Variants in GRK5 observed in about 807,000 individuals in gnomAD.
GRK5 encodes the protein g protein-coupled receptor kinase GRK5.
In GRK5, 40 loss-of-function variants were observed where a neutral mutation model predicts 78.4. That is an observed-to-expected ratio of 0.51 (90% CI 0.40 to 0.66). GRK5 has a LOEUF of 0.66. Ranked by LOEUF, GRK5 falls within the 30% of genes least tolerant of loss-of-function variation. The pLI, the probability that GRK5 is intolerant of heterozygous loss-of-function variation, is 0.00. For missense variants in GRK5, 598 were observed against 759.9 expected (o/e 0.79, Z 2.50); for synonymous variants, 289 against 296.8 (o/e 0.97, Z 0.27).
Position 119,236,493 on chromosome 10 carries a change from C to T in GRK5, c.52+28524C>T, listed in dbSNP as rs148575553. ...CCTCCCAAAGTGCTGGGATTACAGG[C>T]GTGAGCCACTGCGCCTGGCCCCTAC... On this transcript the variant is annotated intron_variant, in intron 1 of 15. Coordinates refer to ENST00000392870, the MANE Select transcript of GRK5 (RefSeq NM_005308.3). 5.9e-3 allele frequency among the ~76,000 whole-genome samples: 895 copies of T among 152,172 alleles called. 6 individuals are homozygous for T. Among genetic ancestry groups the T allele is most frequent in the South Asian group, 0.012 (56 of 4,824 alleles).
chr10:119,283,732 C>T (rs1849801317), intron 1 of GRK5, among the ~76,000 whole-genome samples: 1 of 152,206 alleles, frequency 6.6e-6, no homozygotes, highest in South Asian at 2.1e-4. Flanking sequence ...CAGATGGGAC[C>T]ATGAGCCCCA....
Position 119,455,387 on chromosome 10 carries a change from T to G in GRK5, c.*320T>G. ...AGAACTGAATTTTGTCTTTATGATT[T>G]TTAAAGAAAAGTTTTGTAAATTTCT... is the stretch of plus-strand genomic sequence containing the variant. On this transcript the variant is annotated 3_prime_UTR_variant, in exon 16 of 16. Coordinates refer to ENST00000392870, the MANE Select transcript of GRK5 (RefSeq NM_005308.3). The G allele has an allele frequency of 2.0e-6, 1 of 511,806 alleles. No homozygotes were observed. Among genetic ancestry groups the G allele is most frequent in the Non-Finnish European group, 3.6e-6 (1 of 277,036 alleles). 31.7% of individuals were successfully genotyped at this position (511,806 alleles called of 1,614,324 possible).
intron 1 of GRK5, among the ~76,000 whole-genome samples, chr10:119,312,200 G>A (rs1292031871): frequency 1.3e-5 from 2 of 152,236 alleles, no homozygotes; most frequent in African/African-American, 2.4e-5. Flanking sequence ...ACAGGCGTGA[G>A]CCTCTGCAGC....
chr10:119,253,888 G>A lies in GRK5; in HGVS notation c.52+45919G>A, dbSNP rs184793611. Among the ~76,000 whole-genome samples the A allele has an allele frequency of 8.7e-4, 132 of 152,062 alleles. No homozygotes were observed. Among genetic ancestry groups the A allele is most frequent in the African/African-American group, 2.8e-3 (115 of 41,464 alleles). ...TGTGTGTGTGTACACATGTGTGTGC[G>A]TGCATGCTTTTTCATGAGGCACACT... On this transcript the variant is annotated intron_variant, in intron 1 of 15. Transcript: ENST00000392870. This position sits in a 1 kb window ranked among gnomAD's most constrained non-coding sequence, Gnocchi z 5.7.
At chr10:119,251,119 C>T (rs186201233) in intron 1 of GRK5, among the ~76,000 whole-genome samples, 3 of 151,346 alleles carry the variant, frequency 2.0e-5, no homozygotes, top group Admixed American at 6.6e-5. Flanking sequence ...TTTTTTCTCA[C>T]GTTGACATTA....
intron 1 of GRK5, among the ~76,000 whole-genome samples, chr10:119,262,532 T>TG (rs1849429717): frequency 6.6e-6 from 1 of 151,946 alleles, no homozygotes; most frequent in East Asian, 1.9e-4. Flanking sequence ...TTAGTAGAGA[T>TG]GGGGTTTCAC....
At chr10:119,399,807 C>T (rs774454319) in intron 4 of GRK5, among the ~76,000 whole-genome samples, 4 of 152,218 alleles carry the variant, frequency 2.6e-5, no homozygotes, top group Admixed American at 1.3e-4. Context: ...AAGAGCCTCA[C>T]GCCCACACCT....
chr10:119,344,891 TTCCTTCCTTCCTTCC>T (rs1851055438), intron 2 of GRK5, among the ~76,000 whole-genome samples: 1 of 127,988 alleles, frequency 7.8e-6, no homozygotes, highest in African/African-American at 3.0e-5. Context: ...CCTTCCTTCC[TTCCTTCCTTCCTTCC>T]TTCCTTCCTT....
At chr10:119,415,134 A>G (rs911165068) in intron 4 of GRK5, among the ~76,000 whole-genome samples, 2 of 151,504 alleles carry the variant, frequency 1.3e-5, no homozygotes, top group African/African-American at 4.8e-5. Context: ...CAGTGATGGC[A>G]GTGATGATGA....
chr10:119,410,039 G>A (rs1023959562), intron 4 of GRK5, among the ~76,000 whole-genome samples: 3 of 152,248 alleles, frequency 2.0e-5, no homozygotes, highest in Non-Finnish European at 2.9e-5. Flanking sequence ...GCCGGGTCCC[G>A]CGAGCCCCCG....
intron 1 of GRK5, among the ~76,000 whole-genome samples, chr10:119,239,110 A>G (rs1589695485): frequency 6.6e-6 from 1 of 152,166 alleles, no homozygotes; most frequent in African/African-American, 2.4e-5. Context: ...CAAGTCGGGT[A>G]TAATAAAATA....
At chr10:119,282,450 A>G (rs1013494593) in intron 1 of GRK5, among the ~76,000 whole-genome samples, 14 of 152,232 alleles carry the variant, frequency 9.2e-5, no homozygotes, top group Non-Finnish European at 1.6e-4. Context: ...GCTGTCTTGT[A>G]ACAGTCTGTT....
chr10:119,260,493 G>A (rs944784406), intron 1 of GRK5, among the ~76,000 whole-genome samples: 9 of 151,156 alleles, frequency 6.0e-5, no homozygotes, highest in African/African-American at 2.2e-4. Context: ...GTGGAGGGAA[G>A]GTCAGCAGGT....
chr10:119,395,998 A>G (rs1240058934), intron 3 of GRK5, among the ~76,000 whole-genome samples: 1 of 152,212 alleles, frequency 6.6e-6, no homozygotes, highest in Non-Finnish European at 1.5e-5. Context: ...AAACCTGTGT[A>G]TGTTCACTTT....
chr10:119,429,533 G>A (rs1406721006), intron 6 of GRK5, among the ~76,000 whole-genome samples: 1 of 149,846 alleles, frequency 6.7e-6, no homozygotes, highest in Non-Finnish European at 1.5e-5. Context: ...GTCCTTTATG[G>A]CAACTAGATA....
intron 2 of GRK5, among the ~76,000 whole-genome samples, chr10:119,347,735 T>G (rs553643734): frequency 6.6e-6 from 1 of 152,362 alleles, no homozygotes; most frequent in South Asian, 2.1e-4. Context: ...ACATCGTGCA[T>G]GAGAAGCATG....
intron 1 of GRK5, among the ~76,000 whole-genome samples, chr10:119,228,447 TAAAA>T (rs3064441): frequency 1.4e-5 from 2 of 140,038 alleles, no homozygotes; most frequent in African/African-American, 5.2e-5. Flanking sequence ...ACCCAATCTC[TAAAA>T]AAAAAAAAAA....
rs77545334 is a variant in GRK5 at position 119,279,906 on chromosome 10, G to A, written c.53-46610G>A. Among the ~76,000 whole-genome samples, 431 of 152,214 alleles carry A rather than the reference G, an allele frequency of 2.8e-3. 1 individual carries two copies. The highest frequency in any genetic ancestry group is 1.0e-2 in the African/African-American group (414 of 41,536). On this transcript the variant is annotated intron_variant, in intron 1 of 15. Coordinates refer to ENST00000392870, the MANE Select transcript of GRK5 (RefSeq NM_005308.3). ...CTGGTTTGCACATGCTGGAGGGTGG[G>A]GTGGTGGTGGAGGAGGAGGGCGCAT...
chr10:119,300,346 C>T (rs113355015), intron 1 of GRK5, among the ~76,000 whole-genome samples: 26 of 152,298 alleles, frequency 1.7e-4, no homozygotes, highest in African/African-American at 4.8e-4. Flanking sequence ...CTAGCCACAA[C>T]GTTTGACCCT....
Sources: allele counts gnomAD v4.1 joint callset (sites outside exome capture counted in the v4.1 genomes callset), GRCh38; gene constraint gnomAD v4.1.1; non-coding constraint Gnocchi (gnomAD v3.1); transcripts MANE v1.5; gene names NCBI Gene and HGNC (gene_info 2026-07-23, HGNC 2026-07-21).